Variants in PXDN observed in about 807,000 individuals in gnomAD.
PXDN encodes the protein peroxidasin homolog.
Under a neutral mutation model 140.3 loss-of-function variants are expected in PXDN, and 77 were observed. The observed-to-expected ratio is 0.55, with a 90% CI of 0.46 to 0.66. PXDN has a LOEUF of 0.66. Among genes scored for constraint, PXDN ranks in the 30% least tolerant of loss-of-function variants. The pLI is 0.00. For missense variants in PXDN, 1,838 were observed against 2,039.5 expected, an observed-to-expected ratio of 0.90 and a Z score of 1.90; for synonymous variants, 911 against 857.4, an observed-to-expected ratio of 1.06 and a Z score of -1.09.
chr2:1,711,528 GCATCCA>G (rs1684780646), intron 1 of PXDN, among the ~76,000 whole-genome samples: 1 of 117,866 alleles, frequency 8.5e-6, no homozygotes, highest in Non-Finnish European at 1.7e-5. Flanking sequence ...CACTCCACCA[GCATCCA>G]CTCCACCAGC....
chr2:1,684,239 C>T, intron 4 of PXDN, 88 bp from the exon 5 acceptor site: 1 of 1,051,390 alleles, frequency 9.5e-7, no homozygotes, highest in Non-Finnish European at 1.4e-6. Flanking sequence ...CTAGTCATTT[C>T]AAATTCAGAT....
chr2:1,689,629 A>T (rs1052846605), intron 3 of PXDN, among the ~76,000 whole-genome samples: 3 of 152,204 alleles, frequency 2.0e-5, no homozygotes, highest in Admixed American at 6.5e-5. Flanking sequence ...TTAAAAATAC[A>T]AAAAATTAGC....
intron 1 of PXDN, among the ~76,000 whole-genome samples, chr2:1,695,178 C>T (rs892705050): frequency 6.6e-6 from 1 of 152,034 alleles, no homozygotes; most frequent in Non-Finnish European, 1.5e-5. Context: ...CTCCTGGAGC[C>T]TGGGAAGACA....
At position 1,649,360 on chromosome 2, in the gene PXDN, G is replaced by C. The variant is rs199557905; in HGVS notation, c.2420C>G (p.Thr807Ser). ...GGTGAACTGCTCGTCGGGTGTGACGGTCTCCGTCCCGATCAGGGTGGTGGA... is the reference window on the plus strand; with the variant it reads ...GGTGAACTGCTCGTCGGGTGTGACGCTCTCCGTCCCGATCAGGGTGGTGGA... ...LVSTTLIGTE[T>S]VTPDEQFTHM... is the part of the protein sequence containing the mutation. Residue 807 changes from threonine to serine, a missense_variant, in exon 17 of 23, where the codon ACC (threonine) becomes AGC (serine). Around this residue, in one of 5 missense-constraint regions of PXDN, gnomAD observed 537 missense variants for 583.9 expected, o/e 0.92. Transcript: ENST00000252804. This position sits in a 1 kb window ranked among gnomAD's most constrained non-coding sequence, Gnocchi z 7.1. 1.3e-4 allele frequency: 215 copies of C among 1,613,972 alleles called. 3 individuals are homozygous for C. In the East Asian group the frequency reaches 4.7e-3, roughly 36 times the overall value.
intron 21 of PXDN, chr2:1,635,842 G>T: frequency 2.7e-6 from 1 of 376,158 alleles, no homozygotes; most frequent in East Asian, 6.6e-5. Flanking sequence ...CCACCAGAAC[G>T]AACGATGATC....
At chr2:1,707,879 C>G (rs762650887) in intron 1 of PXDN, among the ~76,000 whole-genome samples, 6 of 151,912 alleles carry the variant, frequency 3.9e-5, no homozygotes, top group Non-Finnish European at 5.9e-5. Flanking sequence ...TTAGGATCTA[C>G]GTTTTACCAC....
intron 17 of PXDN, chr2:1,645,795 C>T (rs938739195): frequency 6.6e-6 from 1 of 152,322 alleles, no homozygotes; most frequent in Non-Finnish European, 1.5e-5. Flanking sequence ...CAGAAGCGTC[C>T]ACACCTTTTC....
At chr2:1,673,147 T>C (rs1683615539) in intron 9 of PXDN, among the ~76,000 whole-genome samples, 1 of 152,230 alleles carries the variant, frequency 6.6e-6, no homozygotes, top group Admixed American at 6.5e-5. Flanking sequence ...CTGGACTTGA[T>C]GCGGCTGAGA....
At chr2:1,744,821 G>A (rs930682422), upstream of PXDN, 5 of 194,244 alleles carry the variant, frequency 2.6e-5, no homozygotes, top group Non-Finnish European at 3.1e-5. Flanking sequence ...TTCTGCCTGC[G>A]CTCACTACGG....
intron 1 of PXDN, among the ~76,000 whole-genome samples, chr2:1,720,862 G>C (rs888019478): frequency 3.9e-5 from 6 of 152,110 alleles, no homozygotes; most frequent in African/African-American, 1.4e-4. Flanking sequence ...GTTGGACCTG[G>C]GTGGGCGCCT....
intron 14 of PXDN, among the ~76,000 whole-genome samples, chr2:1,658,468 G>C (rs1013175605): frequency 6.6e-6 from 1 of 151,568 alleles, no homozygotes; most frequent in Admixed American, 6.6e-5. Context: ...CCTCAGATCT[G>C]CTACTGGCCA....
chr2:1,702,270 T>TG (rs1260155535), intron 1 of PXDN, among the ~76,000 whole-genome samples: 1 of 152,180 alleles, frequency 6.6e-6, no homozygotes, highest in Non-Finnish European at 1.5e-5. Flanking sequence ...ATTGGGGTCC[T>TG]GCCCATCCTC....
rs182881438 is a variant in PXDN, at chr2:1,740,130, G to A, written c.200+4126C>T. 4.2e-3 allele frequency among the ~76,000 whole-genome samples: 636 copies of A among 152,336 alleles called. 2 individuals are homozygous for A. The highest frequency in any genetic ancestry group is 6.5e-3 in the Non-Finnish European group (444 of 68,026). ...TCCCAGAAGACGCAGTCAGATGTGA[G>A]GGAACTTCCCGGGAGCAGGAGGGTG... On this transcript the variant is annotated intron_variant, in intron 1 of 22. Coordinates refer to ENST00000252804, the MANE Select transcript of PXDN (RefSeq NM_012293.3).
chr2:1,710,887 G>A (rs1324894643), intron 1 of PXDN, among the ~76,000 whole-genome samples: 1 of 61,576 alleles, frequency 1.6e-5, no homozygotes, highest in Non-Finnish European at 3.0e-5. Context: ...ACCAGCACCT[G>A]CTCCACCAGC....
At chr2:1,673,482 G>C (rs181909047) in intron 9 of PXDN, among the ~76,000 whole-genome samples, 161 bp downstream of exon 9, 6 of 152,142 alleles carry the variant, frequency 3.9e-5, no homozygotes, top group Admixed American at 1.3e-4. Context: ...GATCATCTAC[G>C]ACCCTGCGCT....
At position 1,665,037 on chromosome 2, in the gene PXDN, G is replaced by T; in HGVS notation, c.1329C>A (p.Val443=). 1 of 1,611,852 alleles carries T rather than the reference G, an allele frequency of 6.2e-7. No individual in the cohort carries two copies. The change falls in exon 11 of 23, where the codon GTC becomes GTA. Residue 443 remains valine, a synonymous_variant. Transcript: ENST00000252804. ...PQFTVTPQDR[V]VIEGQTVDFQ... is the part of the protein sequence containing the mutation. ...AATCCACGGTCTGGCCCTCAATAACGACTCTGTCCTGAGGCGTCACAGTGA... is the reference window on the plus strand; with the variant it reads ...AATCCACGGTCTGGCCCTCAATAACTACTCTGTCCTGAGGCGTCACAGTGA...
At chr2:1,729,845 T>G (rs796101264) in intron 1 of PXDN, among the ~76,000 whole-genome samples, 25 of 152,324 alleles carry the variant, frequency 1.6e-4, no homozygotes, top group African/African-American at 6.0e-4. Context: ...AAATGACCCA[T>G]AATAAAAATT....
At chr2:1,664,874 G>T (rs1446189174) in intron 11 of PXDN, 84 bp downstream of exon 11, 56 of 1,182,022 alleles carry the variant, frequency 4.7e-5, no homozygotes, top group Non-Finnish European at 6.4e-5. Context: ...GAACACGCTG[G>T]GGTTGCCTGG....
chr2:1,744,172 C>T (rs981126843), intron 1 of PXDN, 84 bp downstream of exon 1: 31 of 1,286,926 alleles, frequency 2.4e-5, no homozygotes, highest in Middle Eastern at 5.7e-4. Flanking sequence ...ACCCTCCGCG[C>T]CCCCCACCTC....
Sources: allele counts gnomAD v4.1 joint callset (sites outside exome capture counted in the v4.1 genomes callset), GRCh38; gene constraint gnomAD v4.1.1; regional missense constraint gnomAD v4.1.1; non-coding constraint Gnocchi (gnomAD v3.1); transcripts MANE v1.5; gene names NCBI Gene and HGNC (gene_info 2026-07-23, HGNC 2026-07-21).